DYNC1I1: variants seen among roughly 807,000 people sequenced by gnomAD.
DYNC1I1 encodes the protein cytoplasmic dynein 1 intermediate chain 1.
In DYNC1I1, 43 loss-of-function variants were observed where a neutral mutation model predicts 86.6. That is an observed-to-expected ratio of 0.50 (90% CI 0.39 to 0.64). The LOEUF (loss-of-function observed/expected upper bound fraction) is 0.64. Ranked by LOEUF, DYNC1I1 falls within the 30% of genes least tolerant of loss-of-function variation. The pLI is 0.00. For synonymous variants in DYNC1I1, 262 were observed against 283.7 expected, an observed-to-expected ratio of 0.92 and a Z score of 0.77; for missense variants, 604 against 788.8, an observed-to-expected ratio of 0.77 and a Z score of 2.81.
At chr7:95,790,286 T>A (rs973994027) in intron 1 of DYNC1I1, among the ~76,000 whole-genome samples, 1 of 152,204 alleles carries the variant, frequency 6.6e-6, no homozygotes. Flanking sequence ...GTCTTTGGAA[T>A]CTGGTCTCTG....
intron 7 of DYNC1I1, among the ~76,000 whole-genome samples, chr7:95,983,149 C>G (rs1793497141): frequency 6.6e-6 from 1 of 152,142 alleles, no homozygotes; most frequent in Admixed American, 6.6e-5. Context: ...TCCCCACTAC[C>G]TAGCCTAAGT....
At chr7:95,845,941 T>C (rs1213810566) in intron 5 of DYNC1I1, among the ~76,000 whole-genome samples, 2 of 152,184 alleles carry the variant, frequency 1.3e-5, no homozygotes, top group African/African-American at 4.8e-5. Context: ...TTCCATTCCA[T>C]AGTAGCAACT....
At chr7:96,043,697 T>C (rs1323803438) in intron 14 of DYNC1I1, among the ~76,000 whole-genome samples, 1 of 152,066 alleles carries the variant, frequency 6.6e-6, no homozygotes, top group Non-Finnish European at 1.5e-5. Flanking sequence ...ATGATATTCA[T>C]GCAGTACTAT....
At chr7:96,054,859 A>G (rs1789522420) in intron 14 of DYNC1I1, among the ~76,000 whole-genome samples, 1 of 152,102 alleles carries the variant, frequency 6.6e-6, no homozygotes, top group Admixed American at 6.5e-5. Flanking sequence ...TAGATTCTGG[A>G]TATTAGCCCT....
chr7:95,864,371 A>G (rs1412491059), intron 5 of DYNC1I1, among the ~76,000 whole-genome samples: 2 of 152,198 alleles, frequency 1.3e-5, no homozygotes, highest in African/African-American at 2.4e-5. Flanking sequence ...AGCAGTGGCA[A>G]ATAACCTTCT....
chr7:96,074,550 C>CAAAAA (rs61571160), intron 14 of DYNC1I1, among the ~76,000 whole-genome samples: 4 of 66,924 alleles, frequency 6.0e-5, no homozygotes, highest in Non-Finnish European at 1.2e-4. Flanking sequence ...GACTCCGTCT[C>CAAAAA]AAAAAAAAAA....
chr7:95,865,632 G>T (rs910252250), intron 5 of DYNC1I1, among the ~76,000 whole-genome samples: 13 of 152,132 alleles, frequency 8.5e-5, no homozygotes, highest in Middle Eastern at 3.2e-3. Flanking sequence ...TATTATGGTG[G>T]TCCTGTATGA....
chr7:95,866,046 C>T (rs921981986), intron 5 of DYNC1I1, among the ~76,000 whole-genome samples: 1 of 152,144 alleles, frequency 6.6e-6, no homozygotes, highest in African/African-American at 2.4e-5. Context: ...AGCATAGAGT[C>T]TGCAGCCTAA....
chr7:95,911,784 T>C (rs551597571), intron 6 of DYNC1I1, among the ~76,000 whole-genome samples: 69 of 152,302 alleles, frequency 4.5e-4, no homozygotes, highest in Non-Finnish European at 2.9e-5. Context: ...CTGCTGCTGC[T>C]GGTCTAAGGA....
chr7:95,920,164 A>G (rs1316326811), intron 6 of DYNC1I1, among the ~76,000 whole-genome samples: 1 of 152,228 alleles, frequency 6.6e-6, no homozygotes, highest in Admixed American at 6.5e-5. Flanking sequence ...ATCAAAGTCA[A>G]CATCAACAGC....
chr7:96,014,751 G>A (rs1222214714), intron 10 of DYNC1I1, among the ~76,000 whole-genome samples: 2 of 152,174 alleles, frequency 1.3e-5, no homozygotes, highest in Non-Finnish European at 2.9e-5. Flanking sequence ...GTCTGTTATA[G>A]TCACTTTGTG....
At chr7:96,037,831 T>C (rs1788907388) in intron 13 of DYNC1I1, among the ~76,000 whole-genome samples, 1 of 152,194 alleles carries the variant, frequency 6.6e-6, no homozygotes, top group South Asian at 2.1e-4. Flanking sequence ...AAATATAAAA[T>C]ACAGACCTTA....
intron 6 of DYNC1I1, among the ~76,000 whole-genome samples, chr7:95,890,678 A>G (rs892379834): frequency 6.6e-6 from 1 of 152,210 alleles, no homozygotes. Context: ...AGGTTCTCAC[A>G]CTTCAGTGTG....
chr7:95,851,090 A>G (rs571323586), intron 5 of DYNC1I1, among the ~76,000 whole-genome samples: 176 of 138,250 alleles, frequency 1.3e-3, no homozygotes, highest in Admixed American at 1.5e-3. Context: ...CGTACCCTAC[A>G]CACCTGGCTA....
At chr7:95,785,712 G>A (rs945936134) in intron 1 of DYNC1I1, among the ~76,000 whole-genome samples, 47 of 141,934 alleles carry the variant, frequency 3.3e-4, no homozygotes, top group African/African-American at 1.0e-3. Context: ...TATATACACT[G>A]TTGTATATAT....
At chr7:95,936,655 A>G (rs1013237806) in intron 6 of DYNC1I1, among the ~76,000 whole-genome samples, 2 of 152,060 alleles carry the variant, frequency 1.3e-5, no homozygotes, top group African/African-American at 2.4e-5. Context: ...GAAAACAAGA[A>G]CAAGATGTTG....
chr7:95,925,015 C>T (rs112898564), intron 6 of DYNC1I1, among the ~76,000 whole-genome samples: 2,839 of 152,310 alleles, frequency 0.019, 81 homozygotes, highest in African/African-American at 0.058. Flanking sequence ...AAACCTCAAA[C>T]CTAATCCTTG....
intron 5 of DYNC1I1, among the ~76,000 whole-genome samples, chr7:95,836,830 A>G (rs1789107748): frequency 1.3e-5 from 2 of 151,888 alleles, no homozygotes; most frequent in South Asian, 4.2e-4. Flanking sequence ...AGCTCCTTTC[A>G]GCACTTCTCT....
intron 4 of DYNC1I1, among the ~76,000 whole-genome samples, chr7:95,824,537 A>C (rs1327813689): frequency 6.6e-6 from 1 of 152,222 alleles, no homozygotes; most frequent in African/African-American, 2.4e-5. Flanking sequence ...TTTTATTTTC[A>C]GAGATACAAT....
Sources: gnomAD v4.1 joint callset for allele counts (sites outside exome capture counted in the v4.1 genomes callset) on GRCh38, gnomAD v4.1.1 for gene constraint, MANE v1.5 for transcripts, NCBI Gene and HGNC (gene_info 2026-07-23, HGNC 2026-07-21) for gene names.